The following TMOD3 variants were observed in gnomAD, a reference collection of about 807,000 sequenced individuals.
TMOD3 encodes the protein tropomodulin 3, also known as tropomodulin-3.
A neutral mutation model predicts 39.2 loss-of-function variants in TMOD3; 20 were observed. The ratio of observed to expected loss-of-function variants is 0.51; its 90% CI spans 0.36 to 0.74. The LOEUF is 0.74. Ranked by LOEUF, TMOD3 falls within the 30% of genes least tolerant of loss-of-function variation. The probability of loss-of-function intolerance (pLI) is 0.00; values close to 1 mark genes in which losing one functional copy is unlikely to be tolerated. For synonymous variants in TMOD3, 143 were observed against 145.8 expected (o/e 0.98, Z 0.14); for missense variants, 381 against 412.8 (o/e 0.92, Z 0.67).
At chr15:51,852,427 TAA>T (rs113563861) in intron 1 of TMOD3, among the ~76,000 whole-genome samples, 2 of 140,988 alleles carry the variant, frequency 1.4e-5, no homozygotes, top group Non-Finnish European at 1.6e-5. Flanking sequence ...TTTGGTTACC[TAA>T]AAAAAAAAAA....
chr15:51,884,722 C>T (rs1264916929), intron 3 of TMOD3: 1 of 151,938 alleles, frequency 6.6e-6, no homozygotes, highest in African/African-American at 2.4e-5. Context: ...GGATATAATA[C>T]TTGGTGCTAT....
rs142282120 is a variant in TMOD3, at chr15:51,830,296, T to C, written c.-75+460T>C. Reference sequence around the variant, plus strand: ...AACTTAGGGCACACCCTTTTTGTGATTGAAATGTGGCTGCCCTTGCATTCA... The same window carrying C: ...AACTTAGGGCACACCCTTTTTGTGACTGAAATGTGGCTGCCCTTGCATTCA... On this transcript the variant is annotated intron_variant, in intron 1 of 9. Transcript: ENST00000308580. Among the ~76,000 whole-genome samples, 593 of 152,338 alleles carry C rather than the reference T, an allele frequency of 3.9e-3. 6 individuals carry two copies. Among genetic ancestry groups the C allele is most frequent in the African/African-American group, 0.014 (575 of 41,586 alleles).
At chr15:51,876,832 G>C (rs1049247933) in intron 3 of TMOD3, among the ~76,000 whole-genome samples, 1 of 152,016 alleles carries the variant, frequency 6.6e-6, no homozygotes, top group Non-Finnish European at 1.5e-5. Context: ...GCGGCACTGC[G>C]GGAGGATCAC....
chr15:51,876,159 T>A (rs928264309), intron 3 of TMOD3, among the ~76,000 whole-genome samples: 11 of 151,418 alleles, frequency 7.3e-5, no homozygotes, highest in African/African-American at 9.7e-5. Context: ...TTCTTTGATG[T>A]TGTTGTTGTT....
At chr15:51,896,652 T>C in intron 7 of TMOD3, 126 bp downstream of exon 7, 1 of 580,038 alleles carries the variant, frequency 1.7e-6, no homozygotes, top group Non-Finnish European at 2.9e-6. Context: ...AGGCAGTATA[T>C]TACTTACCAG....
At position 51,842,765 on chromosome 15, in the gene TMOD3, C is replaced by T. The variant is rs922008609; in HGVS notation, c.-75+12929C>T. 3.3e-5 allele frequency among the ~76,000 whole-genome samples: 5 copies of T among 152,278 alleles called. No homozygotes were observed. The East Asian group carries it at 9.6e-4, about 29-fold the overall frequency. On this transcript the variant is annotated intron_variant, in intron 1 of 9. Coordinates refer to ENST00000308580, the MANE Select transcript of TMOD3 (RefSeq NM_014547.5). Reference sequence around the variant, plus strand: ...CCAAATCTCTTTTTGAGTGGTATTACATTCCCCACCTCCCTCATGAAGTAC... The same window carrying T: ...CCAAATCTCTTTTTGAGTGGTATTATATTCCCCACCTCCCTCATGAAGTAC...
At chr15:51,860,996 TG>T in intron 1 of TMOD3, 2 of 599,078 alleles carry the variant, frequency 3.3e-6, no homozygotes, top group Non-Finnish European at 6.1e-6. Context: ...TCCTCTTTGC[TG>T]AGGCACTTCG....
intron 1 of TMOD3, among the ~76,000 whole-genome samples, chr15:51,845,302 G>A (rs79311952): frequency 0.027 from 4,066 of 152,272 alleles, 79 homozygotes; most frequent in Middle Eastern, 0.13. Flanking sequence ...TGTCATGGAC[G>A]TGGAAGAGCC....
rs1048936554 is a variant in TMOD3 at position 51,860,563 on chromosome 15, C to G, written c.-74-2248C>G. 5.2e-6 allele frequency: 3 copies of G among 575,502 alleles called. No homozygotes were observed. In the African/African-American group the frequency reaches 5.6e-5, roughly 11 times the overall value. 35.6% of individuals were successfully genotyped at this position (575,502 alleles called of 1,614,324 possible). ...CATTTGGCTGCCATAATCCACAAAG[C>G]TGGCTTGTTGGAATGAATGGCCAAC... On this transcript the variant is annotated intron_variant, in intron 1 of 9. Transcript: ENST00000308580.
intron 1 of TMOD3, among the ~76,000 whole-genome samples, chr15:51,861,457 G>A (rs2056418467): frequency 6.6e-6 from 1 of 152,042 alleles, no homozygotes; most frequent in African/African-American, 2.4e-5. Context: ...TCCATTCATG[G>A]GAGATGGAAA....
chr15:51,880,707 G>A (rs2554345), intron 3 of TMOD3, among the ~76,000 whole-genome samples: 72,246 of 151,990 alleles, frequency 0.48, 17,408 homozygotes, highest in Admixed American at 0.54. Flanking sequence ...TGGATACCAC[G>A]TTTTGTTTAT....
At chr15:51,906,995 G>T (rs1224236667) in intron 9 of TMOD3, among the ~76,000 whole-genome samples, 2 of 149,860 alleles carry the variant, frequency 1.3e-5, no homozygotes, top group Non-Finnish European at 3.0e-5. Flanking sequence ...ACTCCAGCCT[G>T]GGCAACAAGA....
At position 51,851,201 on chromosome 15, in the gene TMOD3, AAAG is replaced by A. The variant is rs2056360240; in HGVS notation, c.-74-11606_-74-11604del. Among the ~76,000 whole-genome samples the A allele has an allele frequency of 3.3e-5, 5 of 152,174 alleles. No homozygotes were observed. In the South Asian group the frequency reaches 1.0e-3, roughly 32 times the overall value. ...AAGCTGAGGACTGGGCTGTGAGAAG[AAAG>A]AAGGTCAGGGAACTCAGAGTAAGGG... On this transcript the variant is annotated intron_variant, in intron 1 of 9. Transcript: ENST00000308580.
At chr15:51,850,015 T>C (rs985235637) in intron 1 of TMOD3, among the ~76,000 whole-genome samples, 1 of 147,234 alleles carries the variant, frequency 6.8e-6, no homozygotes, top group African/African-American at 2.5e-5. Flanking sequence ...TTGGGTGGAG[T>C]GAGTGGTGGG....
At chr15:51,892,888 T>C (rs1445500133) in intron 5 of TMOD3, among the ~76,000 whole-genome samples, 1 of 152,240 alleles carries the variant, frequency 6.6e-6, no homozygotes, top group Non-Finnish European at 1.5e-5. Flanking sequence ...AAATATCTTG[T>C]AATATACTAA....
intron 1 of TMOD3, chr15:51,857,991 C>A (rs1030541496): frequency 6.6e-6 from 1 of 152,084 alleles, no homozygotes; most frequent in Non-Finnish European, 1.5e-5. Context: ...TGAATCTTAT[C>A]TGAAGACTGT....
chr15:51,869,170 A>G (rs1341167366), intron 2 of TMOD3, 47 bp from the exon 3 acceptor site: 7 of 1,597,182 alleles, frequency 4.4e-6, no homozygotes, highest in Non-Finnish European at 6.0e-6. Context: ...AGCATATAGC[A>G]TTAGCATTCT....
intron 3 of TMOD3, among the ~76,000 whole-genome samples, chr15:51,887,140 G>A: frequency 6.6e-6 from 1 of 150,766 alleles, no homozygotes. Flanking sequence ...AGAATCACTT[G>A]AACCCGGGAG....
At chr15:51,852,394 G>A (rs1351904936) in intron 1 of TMOD3, among the ~76,000 whole-genome samples, 2 of 151,668 alleles carry the variant, frequency 1.3e-5, no homozygotes, top group Non-Finnish European at 2.9e-5. Context: ...CTGAGGCCTG[G>A]TGTCTCCTGA....
Sources: allele counts gnomAD v4.1 joint callset (sites outside exome capture counted in the v4.1 genomes callset), GRCh38; gene constraint gnomAD v4.1.1; transcripts MANE v1.5; gene names NCBI Gene and HGNC (gene_info 2026-07-23, HGNC 2026-07-21).